Variants in KCNQ4 observed in about 807,000 individuals in gnomAD.
KCNQ4 encodes the protein potassium voltage-gated channel subfamily KQT member 4.
In KCNQ4, 31 loss-of-function variants were observed where a neutral mutation model predicts 72.6. The ratio of observed to expected loss-of-function variants is 0.43; its 90% CI spans 0.32 to 0.58. The LOEUF is 0.58. KCNQ4 is among the 20% of genes least tolerant of loss of function. The pLI is 0.08. For synonymous variants in KCNQ4, 405 were observed against 403.7 expected, an observed-to-expected ratio of 1.00 and a Z score of -0.04; for missense variants, 869 against 962.6, an observed-to-expected ratio of 0.90 and a Z score of 1.29.
chr1:40,827,618 G>A (rs964006313), intron 9 of KCNQ4, among the ~76,000 whole-genome samples: 2 of 152,212 alleles, frequency 1.3e-5, no homozygotes, highest in Non-Finnish European at 2.9e-5. Flanking sequence ...CTGGGGCCCT[G>A]TGGGCTGGGG....
At chr1:40,827,129 A>C (rs926575167) in intron 9 of KCNQ4, among the ~76,000 whole-genome samples, 1 of 152,116 alleles carries the variant, frequency 6.6e-6, no homozygotes, top group Non-Finnish European at 1.5e-5. Context: ...TGGGTTTGGC[A>C]CCTTTGCCAG....
chr1:40,815,713 C>A (rs1339739958), intron 1 of KCNQ4, among the ~76,000 whole-genome samples: 1 of 152,138 alleles, frequency 6.6e-6, no homozygotes, highest in Non-Finnish European at 1.5e-5. Flanking sequence ...ACTTGCCCCC[C>A]AAAAAGGTCA....
At chr1:40,837,505 C>T (rs958462810) in intron 12 of KCNQ4, among the ~76,000 whole-genome samples, 160 bp from the exon 13 acceptor site, 36 of 152,242 alleles carry the variant, frequency 2.4e-4, no homozygotes, top group African/African-American at 8.2e-4. Flanking sequence ...GGGCCAGTCC[C>T]TCCACCCTCA....
chr1:40,838,520 C>T lies in KCNQ4; in HGVS notation c.2085C>T (p.Asp695=), dbSNP rs375228011. The change falls in exon 14 of 14, where the codon GAC becomes GAT. Residue 695 remains aspartate (D), a synonymous_variant. Coordinates refer to ENST00000347132, the MANE Select transcript of KCNQ4 (RefSeq NM_004700.4). The stretch of plus-strand genomic sequence containing the variant: ...CCCGCTCGGTCAGCACCAACATGGA[C>T]TGAGGGACTTCTCAGAGGCAGGGCA... ...SISRSVSTNM[D] is the part of the protein sequence containing the mutation. The T allele has an allele frequency of 5.6e-6, 9 of 1,614,030 alleles. No homozygotes were observed. The African/African-American group carries it at 6.7e-5, about 12-fold the overall frequency.
intron 9 of KCNQ4, among the ~76,000 whole-genome samples, chr1:40,829,011 C>T (rs998393094): frequency 3.9e-5 from 6 of 152,252 alleles, no homozygotes; most frequent in Admixed American, 2.0e-4. Flanking sequence ...TGCAAGCCCT[C>T]GAACTCCTTC....
chr1:40,818,054 C>A, intron 2 of KCNQ4, 110 bp from the exon 3 acceptor site: 1 of 1,451,552 alleles, frequency 6.9e-7, no homozygotes, highest in Non-Finnish European at 9.6e-7. Flanking sequence ...GAGAGGGGTC[C>A]GAGGAGGCCC....
chr1:40,808,910 C>G (rs1172108683), intron 1 of KCNQ4, among the ~76,000 whole-genome samples: 3 of 152,174 alleles, frequency 2.0e-5, no homozygotes, highest in African/African-American at 7.2e-5. Flanking sequence ...CAAACATCTT[C>G]AAATTGTTAA....
intron 2 of KCNQ4, 52 bp from the exon 3 acceptor site, chr1:40,818,111 TG>T (rs1648153802): frequency 3.7e-6 from 6 of 1,612,778 alleles, no homozygotes; most frequent in Non-Finnish European, 5.1e-6. Flanking sequence ...CGCTGTGACC[TG>T]GGCCCCAGTT....
intron 12 of KCNQ4, among the ~76,000 whole-genome samples, chr1:40,837,319 TG>T (rs1279429675): frequency 1.3e-5 from 2 of 152,262 alleles, no homozygotes; most frequent in Non-Finnish European, 2.9e-5. Context: ...CTCGAATTCC[TG>T]GGCTCAAGTG....
intron 1 of KCNQ4, among the ~76,000 whole-genome samples, chr1:40,795,835 G>A (rs1323127289): frequency 6.6e-6 from 1 of 152,194 alleles, no homozygotes; most frequent in Non-Finnish European, 1.5e-5. Flanking sequence ...CTGGAGCCAG[G>A]CTAGAGTTCT....
rs75789880 is a variant in KCNQ4 at position 40,803,081 on chromosome 1, T to C, written c.315-14184T>C. ...AGTTACTGGAAGTTCTGCTTATCAT[T>C]ATTCAATTATGGGAGGGTTTTGGAG... On this transcript the variant is annotated intron_variant, in intron 1 of 13. Coordinates refer to ENST00000347132, the MANE Select transcript of KCNQ4 (RefSeq NM_004700.4). Among the ~76,000 whole-genome samples the C allele has an allele frequency of 1.2e-3, 177 of 152,302 alleles. 2 individuals carry two copies. In the East Asian group the frequency reaches 0.028, roughly 24 times the overall value.
intron 9 of KCNQ4, among the ~76,000 whole-genome samples, chr1:40,825,811 T>A (rs543720004): frequency 6.6e-6 from 1 of 152,104 alleles, no homozygotes; most frequent in African/African-American, 2.4e-5. Flanking sequence ...TTTGACTGAA[T>A]AGGAAGGCAA....
At chr1:40,830,841 C>T (rs547275044) in intron 9 of KCNQ4, among the ~76,000 whole-genome samples, 4 of 152,210 alleles carry the variant, frequency 2.6e-5, no homozygotes, top group Admixed American at 6.5e-5. Context: ...CTTATCTGTC[C>T]GGGTGATGAG....
intron 1 of KCNQ4, among the ~76,000 whole-genome samples, chr1:40,809,239 G>T (rs770062218): frequency 6.6e-6 from 1 of 152,098 alleles, no homozygotes; most frequent in Non-Finnish European, 1.5e-5. Flanking sequence ...CTGCTGCACC[G>T]CTGGGGCTCC....
intron 1 of KCNQ4, among the ~76,000 whole-genome samples, chr1:40,798,375 A>G (rs1010869670): frequency 6.6e-6 from 1 of 152,314 alleles, no homozygotes; most frequent in Admixed American, 6.5e-5. Context: ...TCGAGGTCCA[A>G]AATACTACCT....
chr1:40,797,682 C>T (rs61781890), intron 1 of KCNQ4, among the ~76,000 whole-genome samples: 2 of 152,118 alleles, frequency 1.3e-5, no homozygotes, highest in Non-Finnish European at 2.9e-5. Flanking sequence ...AACTTGTCCC[C>T]CTTTTTCCTT....
chr1:40,838,557 G>A lies in KCNQ4; in HGVS notation c.*34G>A. ...TCAGAGGCAGGGCAGCACACGGCCAGCCCCGCGGCCTGGCGCTCCGACTGC... is the reference window on the plus strand; with the variant it reads ...TCAGAGGCAGGGCAGCACACGGCCAACCCCGCGGCCTGGCGCTCCGACTGC... On this transcript the variant is annotated 3_prime_UTR_variant, in exon 14 of 14. Transcript: ENST00000347132. The A allele has an allele frequency of 6.3e-7, 1 of 1,598,716 alleles. No homozygotes were observed. The highest frequency in any genetic ancestry group is 2.2e-5 in the East Asian group (1 of 44,780).
At chr1:40,829,832 G>A (rs757975708) in intron 9 of KCNQ4, among the ~76,000 whole-genome samples, 5 of 152,184 alleles carry the variant, frequency 3.3e-5, no homozygotes, top group Non-Finnish European at 7.3e-5. Context: ...AGGGGAGGCA[G>A]CGATGACGTC....
intron 13 of KCNQ4, 36 bp from the exon 14 acceptor site, chr1:40,838,275 C>A (rs1453396519): frequency 6.3e-7 from 1 of 1,595,136 alleles, no homozygotes; most frequent in Non-Finnish European, 8.6e-7. Flanking sequence ...CCCCTCCGGT[C>A]CCAGGCCCTG....
Sources: allele counts gnomAD v4.1 joint callset (sites outside exome capture counted in the v4.1 genomes callset), GRCh38; gene constraint gnomAD v4.1.1; transcripts MANE v1.5; gene names NCBI Gene and HGNC (gene_info 2026-07-23, HGNC 2026-07-21).